Variants in TRIM2 observed in about 807,000 individuals in gnomAD.
TRIM2 encodes tripartite motif-containing protein 2.
TRIM2 carries 20 observed loss-of-function variants against 75.2 expected under a neutral mutation model. The ratio of observed to expected loss-of-function variants is 0.27; its 90% CI spans 0.19 to 0.39. The LOEUF (loss-of-function observed/expected upper bound fraction) is 0.39, where lower values mean the gene tolerates loss of function less well. Among genes scored for constraint, TRIM2 ranks in the 10% least tolerant of loss-of-function variants. TRIM2 has a pLI of 1.00. For synonymous variants in TRIM2, 373 were observed against 388.3 expected (o/e 0.96, Z 0.46); for missense variants, 660 against 990.8 (o/e 0.67, Z 4.48).
intron 1 of TRIM2, among the ~76,000 whole-genome samples, chr4:153,168,032 T>C (rs1384609443): frequency 6.6e-6 from 1 of 152,194 alleles, no homozygotes; most frequent in East Asian, 1.9e-4. Context: ...TCTTGGTTTA[T>C]TTGTGATTTT....
chr4:153,286,770 C>T (rs373421357), intron 3 of TRIM2, among the ~76,000 whole-genome samples: 185 of 149,870 alleles, frequency 1.2e-3, no homozygotes, highest in African/African-American at 4.3e-3. Context: ...CCCGCACCCC[C>T]CCACCATCTC....
chr4:153,315,424 C>T (rs1767377136), intron 6 of TRIM2, 61 bp from the exon 7 acceptor site: 1 of 1,326,910 alleles, frequency 7.5e-7, no homozygotes. Flanking sequence ...TATTCTCTTG[C>T]TGAAACAGAG....
Sources: allele counts gnomAD v4.1 joint callset (sites outside exome capture counted in the v4.1 genomes callset), GRCh38; gene constraint gnomAD v4.1.1; transcripts MANE v1.5; gene names NCBI Gene and HGNC (gene_info 2026-07-23, HGNC 2026-07-21).